The following GATA4 variants were observed in gnomAD, a reference collection of about 807,000 sequenced individuals.
GATA4 encodes transcription factor GATA-4.
In GATA4, 7 loss-of-function variants were observed where a neutral mutation model predicts 37.9. The observed-to-expected ratio is 0.18, with a 90% CI of 0.11 to 0.35. GATA4 has a LOEUF of 0.35. GATA4 is among the 10% of genes least tolerant of loss of function. The pLI is 1.00. For synonymous variants in GATA4, 372 were observed against 292.6 expected (o/e 1.27, Z -2.77); for missense variants, 647 against 653.0 (o/e 0.99, Z 0.10).
chr8:11,692,931 C>A (rs1799368324), intron 1 of GATA4: 12 of 984,836 alleles, frequency 1.2e-5, no homozygotes, highest in Non-Finnish European at 1.4e-5. Context: ...CGGCGGCCGT[C>A]AGCGCGCACC....
intron 1 of GATA4, among the ~76,000 whole-genome samples, chr8:11,677,660 G>A (rs887253416): frequency 3.3e-5 from 5 of 152,164 alleles, no homozygotes; most frequent in Admixed American, 1.3e-4. Context: ...GTTTCCCATC[G>A]CTTGGCTTCA....
At chr8:11,696,187 G>A (rs913564801) in intron 1 of GATA4, among the ~76,000 whole-genome samples, 1 of 151,980 alleles carries the variant, frequency 6.6e-6, no homozygotes, top group African/African-American at 2.4e-5. Flanking sequence ...TCAGAGTCTT[G>A]ACATACACAC....
Position 11,709,075 on chromosome 8 carries a change from G to A in GATA4, c.616+147G>A. ...CCTCGAGTTTCTAGGGAAGGCAGAAGCCAGTGCGGGGCTGGCGACATCACA... is the reference window on the plus strand; with the variant it reads ...CCTCGAGTTTCTAGGGAAGGCAGAAACCAGTGCGGGGCTGGCGACATCACA... On this transcript the variant is annotated intron_variant, in intron 2 of 6. Coordinates refer to ENST00000532059, the MANE Select transcript of GATA4 (RefSeq NM_001308093.3). This position sits in a 1 kb window ranked among gnomAD's most constrained non-coding sequence, Gnocchi z 4.3. 2 of 873,498 alleles carry A rather than the reference G, an allele frequency of 2.3e-6. No individual in the cohort carries two copies. The highest frequency in any genetic ancestry group is 3.2e-6 in the Non-Finnish European group (2 of 617,742). 54.1% of individuals were successfully genotyped at this position (873,498 alleles called of 1,614,324 possible).
upstream of GATA4, among the ~76,000 whole-genome samples, chr8:11,691,664 C>A (rs952851586): frequency 9.9e-5 from 15 of 152,158 alleles, no homozygotes; most frequent in African/African-American, 3.4e-4. Flanking sequence ...TGGTGGCAGT[C>A]GTGGGATTAG....
At chr8:11,723,986 C>G (rs751322704) in intron 2 of GATA4, among the ~76,000 whole-genome samples, 4 of 152,202 alleles carry the variant, frequency 2.6e-5, no homozygotes, top group African/African-American at 9.6e-5. Context: ...CCCCTTCCCT[C>G]CAGCCTCAGG....
chr8:11,704,580 C>T (rs1334635385), intron 1 of GATA4, among the ~76,000 whole-genome samples: 1 of 152,348 alleles, frequency 6.6e-6, no homozygotes, highest in East Asian at 1.9e-4. Flanking sequence ...AATCCCTGTC[C>T]CCGTGTGCAC....
chr8:11,744,797 C>G (rs1801948996), intron 2 of GATA4, among the ~76,000 whole-genome samples: 1 of 152,208 alleles, frequency 6.6e-6, no homozygotes, highest in South Asian at 2.1e-4. Context: ...ATAGCCTTTA[C>G]TTTGGCTGTT....
chr8:11,709,922 G>T lies in GATA4; in HGVS notation c.616+994G>T, dbSNP rs556681628. 6.6e-6 allele frequency among the ~76,000 whole-genome samples: 1 copy of T among 152,224 alleles called. No homozygotes were observed. Among genetic ancestry groups the T allele is most frequent in the Non-Finnish European group, 1.5e-5 (1 of 68,042 alleles). On this transcript the variant is annotated intron_variant, in intron 2 of 6. Coordinates refer to ENST00000532059, the MANE Select transcript of GATA4 (RefSeq NM_001308093.3). This position sits in a 1 kb window ranked among gnomAD's most constrained non-coding sequence, Gnocchi z 4.3. The stretch of plus-strand genomic sequence containing the variant: ...GACCTCTGGAATTTCGGGAAGAGAC[G>T]GAGGAGTGAGTTTGGATTGAGCCCA...
At chr8:11,714,872 G>C (rs1049117053) in intron 2 of GATA4, among the ~76,000 whole-genome samples, 2 of 152,124 alleles carry the variant, frequency 1.3e-5, no homozygotes, top group Non-Finnish European at 2.9e-5. Flanking sequence ...AGTGTAAATC[G>C]CTCTGACCTT....
At chr8:11,739,029 C>T (rs969777192) in intron 2 of GATA4, among the ~76,000 whole-genome samples, 4 of 152,322 alleles carry the variant, frequency 2.6e-5, no homozygotes, top group South Asian at 2.1e-4. Flanking sequence ...GATGCCTGAG[C>T]CCAGATGGGG....
At chr8:11,689,585 G>C (rs975300846), upstream of GATA4, among the ~76,000 whole-genome samples, 1 of 152,312 alleles carries the variant, frequency 6.6e-6, no homozygotes, top group South Asian at 2.1e-4. Flanking sequence ...TATGTGCCTG[G>C]TGCCCATTTT....
At chr8:11,680,849 C>A (rs1798943997) in intron 1 of GATA4, 1 of 985,258 alleles carries the variant, frequency 1.0e-6, no homozygotes, top group Admixed American at 6.2e-5. Flanking sequence ...AGACACATAG[C>A]GAAGCCCCTG....
At chr8:11,717,651 C>T (rs1235552887) in intron 2 of GATA4, among the ~76,000 whole-genome samples, 1 of 152,212 alleles carries the variant, frequency 6.6e-6, no homozygotes, top group Admixed American at 6.5e-5. Flanking sequence ...TTGAAGGGCT[C>T]TATTAAACCT....
intron 2 of GATA4, among the ~76,000 whole-genome samples, chr8:11,736,980 T>A (rs532815038): frequency 6.6e-6 from 1 of 152,256 alleles, no homozygotes; most frequent in African/African-American, 2.4e-5. Context: ...TTGTTTTGTG[T>A]TAACTGAACT....
chr8:11,730,068 A>G (rs1352369122), intron 2 of GATA4, among the ~76,000 whole-genome samples: 1 of 152,058 alleles, frequency 6.6e-6, no homozygotes, highest in East Asian at 1.9e-4. Context: ...TGGAATTACT[A>G]CCATGCCCAG....
chr8:11,695,216 A>T (rs1799468819), intron 1 of GATA4, among the ~76,000 whole-genome samples: 2 of 152,034 alleles, frequency 1.3e-5, no homozygotes, highest in Non-Finnish European at 2.9e-5. Context: ...GACCAGCCTG[A>T]CCAACATGGA....
In GATA4 at chr8:11,749,093, C is replaced by T. The variant is rs371709162; in HGVS notation, c.786+8C>T. 82 of 1,613,868 alleles carry T rather than the reference C, an allele frequency of 5.1e-5. No individual in the cohort carries two copies. In the African/African-American group the frequency reaches 6.9e-4, roughly 14 times the overall value. ...AAGCCTCAGCGCCGGCTGGTAAGCA[C>T]GTGCCTCGCAGCCTCCTCTGGGCAC... On this transcript the variant is annotated splice_region_variant and intron_variant, in intron 3 of 6. Coordinates refer to ENST00000532059, the MANE Select transcript of GATA4 (RefSeq NM_001308093.3). The surrounding 1 kb of genome is among the most constrained non-coding windows in gnomAD (Gnocchi z 4.6).
At chr8:11,693,558 C>CAGAGAGAGAGAGAGAGAG in intron 1 of GATA4, among the ~76,000 whole-genome samples, 2 of 82,402 alleles carry the variant, frequency 2.4e-5, no homozygotes, top group South Asian at 9.5e-4. Flanking sequence ...CACACACACA[C>CAGAGAGAGAGAGAGAGAG]ACACAGAGAG....
intron 2 of GATA4, among the ~76,000 whole-genome samples, chr8:11,740,467 T>G (rs959196202): frequency 6.6e-6 from 1 of 152,200 alleles, no homozygotes; most frequent in African/African-American, 2.4e-5. Flanking sequence ...GTCCCAGGTT[T>G]CGGGGTGGGG....
Sources: gnomAD v4.1 joint callset for allele counts (sites outside exome capture counted in the v4.1 genomes callset) on GRCh38, gnomAD v4.1.1 for gene constraint, Gnocchi (gnomAD v3.1) non-coding constraint, MANE v1.5 for transcripts, NCBI Gene and HGNC (gene_info 2026-07-23, HGNC 2026-07-21) for gene names.